The following PCCA variants were observed in gnomAD, a reference collection of about 807,000 sequenced individuals.
The protein encoded by PCCA is propionyl-CoA carboxylase alpha chain, mitochondrial.
PCCA carries 74 observed loss-of-function variants against 101.3 expected under a neutral mutation model. The ratio of observed to expected loss-of-function variants is 0.73; its 90% CI spans 0.61 to 0.89. The LOEUF (loss-of-function observed/expected upper bound fraction) is 0.89, where lower values mean the gene tolerates loss of function less well. Among genes scored for constraint, PCCA ranks in the 40% least tolerant of loss-of-function variants. The pLI, the probability that PCCA is intolerant of heterozygous loss-of-function variation, is 0.00. For synonymous variants in PCCA, 294 were observed against 313.6 expected, an observed-to-expected ratio of 0.94 and a Z score of 0.66; for missense variants, 891 against 907.0, an observed-to-expected ratio of 0.98 and a Z score of 0.23.
intron 4 of PCCA, among the ~76,000 whole-genome samples, chr13:100,148,964 T>C (rs977969985): frequency 3.9e-5 from 6 of 152,186 alleles, no homozygotes; most frequent in African/African-American, 1.4e-4. Context: ...GCTACACATG[T>C]AGTTTTTCAA....
intron 16 of PCCA, among the ~76,000 whole-genome samples, chr13:100,311,835 T>A (rs1354250251): frequency 6.6e-6 from 1 of 152,182 alleles, no homozygotes; most frequent in African/African-American, 2.4e-5. Flanking sequence ...CATATGAAAT[T>A]TACTAAATCA....
At chr13:100,128,309 T>C (rs993391110) in intron 4 of PCCA, among the ~76,000 whole-genome samples, 1 of 152,156 alleles carries the variant, frequency 6.6e-6, no homozygotes, top group African/African-American at 2.4e-5. Context: ...AAGTGAAGTT[T>C]ATTACTTTGA....
rs2053733024 is a variant in PCCA at position 100,155,026 on chromosome 13, C to T, written c.348C>T (p.Pro116=). Residue 116 remains proline (P), a synonymous_variant, in exon 5 of 24, where the codon CCC becomes CCT. Coordinates refer to ENST00000376285, the MANE Select transcript of PCCA (RefSeq NM_000282.4). ...AGGCTGTCTGTGTTGGCCCAGCTCC[C>T]ACCAGTAAAAGCTACCTCAACATGG... ...ADEAVCVGPA[P]TSKSYLNMDA... The T allele has an allele frequency of 6.2e-7, 1 of 1,614,098 alleles. No homozygotes were observed. Among genetic ancestry groups the T allele is most frequent in the South Asian group, 1.1e-5 (1 of 91,070 alleles).
At chr13:100,469,068 G>A (rs867834520) in intron 21 of PCCA, among the ~76,000 whole-genome samples, 5 of 151,676 alleles carry the variant, frequency 3.3e-5, no homozygotes, top group Non-Finnish European at 5.9e-5. Context: ...AAAACTAGCC[G>A]GACGTGGTGG....
chr13:100,125,822 G>T (rs1483942722), intron 4 of PCCA, among the ~76,000 whole-genome samples: 2 of 152,086 alleles, frequency 1.3e-5, no homozygotes, highest in Admixed American at 6.5e-5. Flanking sequence ...GCATTTTTGG[G>T]TAAAATGGAA....
chr13:100,150,541 A>G, intron 4 of PCCA: 3 of 1,321,726 alleles, frequency 2.3e-6, no homozygotes, highest in Non-Finnish European at 3.2e-6. Context: ...GGCGAGAACC[A>G]CCAATAGTGT....
At chr13:100,152,599 A>G (rs1441678729) in intron 4 of PCCA, among the ~76,000 whole-genome samples, 1 of 152,090 alleles carries the variant, frequency 6.6e-6, no homozygotes, top group African/African-American at 2.4e-5. Flanking sequence ...GGCGTCCGCC[A>G]CCACGCCTGG....
intron 19 of PCCA, among the ~76,000 whole-genome samples, chr13:100,418,505 T>C (rs958439): frequency 0.064 from 9,776 of 152,236 alleles, 968 homozygotes; most frequent in African/African-American, 0.22. Flanking sequence ...CCATGACTTT[T>C]AGTTTTATTT....
chr13:100,481,002 G>T (rs1317983474), intron 21 of PCCA: 1 of 152,174 alleles, frequency 6.6e-6, no homozygotes, highest in Non-Finnish European at 1.5e-5. Context: ...TTCCATTTCA[G>T]CTCGGCACTT....
At chr13:100,197,299 C>T (rs1251821758) in intron 6 of PCCA, among the ~76,000 whole-genome samples, 1 of 152,086 alleles carries the variant, frequency 6.6e-6, no homozygotes, top group Non-Finnish European at 1.5e-5. Context: ...CCTTGACCTC[C>T]TGGGCTCAAG....
intron 1 of PCCA, among the ~76,000 whole-genome samples, chr13:100,092,962 T>A (rs2046413588): frequency 6.6e-6 from 1 of 152,238 alleles, no homozygotes; most frequent in Non-Finnish European, 1.5e-5. Flanking sequence ...CATTTGGATT[T>A]TATTCTGTTC....
At chr13:100,285,722 G>C (rs2064566353) in intron 12 of PCCA, among the ~76,000 whole-genome samples, 1 of 152,082 alleles carries the variant, frequency 6.6e-6, no homozygotes, top group Admixed American at 6.6e-5. Context: ...AGAGGATGGG[G>C]AACCAATTGA....
intron 4 of PCCA, among the ~76,000 whole-genome samples, chr13:100,142,357 T>C (rs2051976571): frequency 6.6e-6 from 1 of 152,212 alleles, no homozygotes; most frequent in Admixed American, 6.5e-5. Flanking sequence ...CCTTGCCTAT[T>C]GCTGCTGCCA....
intron 21 of PCCA, among the ~76,000 whole-genome samples, chr13:100,493,350 A>G (rs837318): frequency 0.61 from 93,306 of 151,946 alleles, 29,381 homozygotes; most frequent in East Asian, 0.84. Flanking sequence ...GTGGATGTGG[A>G]GGTGTGCGCT....
At chr13:100,191,292 GCAGAACTATTACTGTCT>G (rs1386903390) in intron 6 of PCCA, among the ~76,000 whole-genome samples, 1 of 152,158 alleles carries the variant, frequency 6.6e-6, no homozygotes, top group Non-Finnish European at 1.5e-5. Context: ...GCATTTTACC[GCAGAACTATTACTGTCT>G]CAGGAATGAG....
At chr13:100,347,534 T>C (rs2152767798) in intron 18 of PCCA, among the ~76,000 whole-genome samples, 1 of 152,328 alleles carries the variant, frequency 6.6e-6, no homozygotes, top group Admixed American at 6.5e-5. Flanking sequence ...TTTGTAGTGT[T>C]TTAGATAGTT....
chr13:100,276,442 G>C (rs1034924676), intron 12 of PCCA, among the ~76,000 whole-genome samples: 5 of 151,922 alleles, frequency 3.3e-5, no homozygotes, highest in African/African-American at 1.2e-4. Flanking sequence ...TGTATACATG[G>C]AATTCATTGA....
At chr13:100,362,963 T>C (rs1199023248) in intron 18 of PCCA, among the ~76,000 whole-genome samples, 1 of 152,186 alleles carries the variant, frequency 6.6e-6, no homozygotes, top group Non-Finnish European at 1.5e-5. Context: ...TGATGAACTT[T>C]AATGTTGGAG....
At chr13:100,446,219 G>A (rs1237994460) in intron 20 of PCCA, among the ~76,000 whole-genome samples, 2 of 151,976 alleles carry the variant, frequency 1.3e-5, no homozygotes, top group African/African-American at 4.8e-5. Context: ...TATATTTTTA[G>A]TAGAGCCACC....
Sources: allele counts gnomAD v4.1 joint callset (sites outside exome capture counted in the v4.1 genomes callset), GRCh38; gene constraint gnomAD v4.1.1; transcripts MANE v1.5; gene names NCBI Gene and HGNC (gene_info 2026-07-23, HGNC 2026-07-21).